CACNA1E: variants seen among roughly 807,000 people sequenced by gnomAD.
CACNA1E encodes calcium voltage-gated channel subunit alpha1 E.
A neutral mutation model predicts 259.2 loss-of-function variants in CACNA1E; 40 were observed. That is an observed-to-expected ratio of 0.15 (90% confidence interval 0.12 to 0.20). The LOEUF is 0.20. Among genes scored for constraint, CACNA1E ranks in the 10% least tolerant of loss-of-function variants. The pLI, the probability that CACNA1E is intolerant of heterozygous loss-of-function variation, is 1.00. For synonymous variants in CACNA1E, 1,104 were observed against 1,138.5 expected (o/e 0.97, Z 0.61); for missense variants, 1,874 against 3,040.1 (o/e 0.62, Z 9.02).
At position 181,488,131 on chromosome 1, in the gene CACNA1E, G is replaced by A. The variant is rs542506464; in HGVS notation, c.266+4121G>A. 9.9e-4 allele frequency among the ~76,000 whole-genome samples: 150 copies of A among 152,266 alleles called. 1 individual carries two copies. The Middle Eastern group carries it at 0.01, about 10-fold the overall frequency. ...TTGTAAAATGTCCGTTTATTTTGGA[G>A]GATTTTGGTGAGGGTTACCAAAAGT... On this transcript the variant is annotated intron_variant, in intron 1 of 47. Transcript: ENST00000367573.
upstream of CACNA1E, among the ~76,000 whole-genome samples, chr1:181,479,099 A>AAG (rs1663060379): frequency 6.6e-6 from 1 of 152,214 alleles, no homozygotes. Context: ...TTGCTTTCAG[A>AAG]AAAACATGTG....
At chr1:181,669,600 G>T (rs982621107) in intron 7 of CACNA1E, among the ~76,000 whole-genome samples, 1 of 152,202 alleles carries the variant, frequency 6.6e-6, no homozygotes, top group African/African-American at 2.4e-5. Flanking sequence ...ACGAAGAAGG[G>T]CATCATGGTG....
At chr1:181,371,709 A>G (rs1390414220) in intron 1 of CACNA1E, among the ~76,000 whole-genome samples, 2 of 152,160 alleles carry the variant, frequency 1.3e-5, no homozygotes, top group Non-Finnish European at 2.9e-5. Context: ...TAGGGTTTTT[A>G]TAGTTTTAGG....
At chr1:181,686,294 T>TGTTTTTTTTTTG (rs1650556434) in intron 7 of CACNA1E, among the ~76,000 whole-genome samples, 2 of 136,724 alleles carry the variant, frequency 1.5e-5, no homozygotes, top group Non-Finnish European at 3.1e-5. Flanking sequence ...TTTTTTTTTT[T>TGTTTTTTTTTTG]TTTTTTTTTG....
chr1:181,340,329 G>A (rs1413349165), intron 1 of CACNA1E, among the ~76,000 whole-genome samples: 1 of 151,934 alleles, frequency 6.6e-6, no homozygotes, highest in Non-Finnish European at 1.5e-5. Flanking sequence ...CAGAATACAG[G>A]TTTTAATTAA....
At chr1:181,795,939 A>T (rs888804145) in intron 46 of CACNA1E, among the ~76,000 whole-genome samples, 2 of 151,772 alleles carry the variant, frequency 1.3e-5, no homozygotes, top group South Asian at 2.1e-4. Flanking sequence ...CCATAGCATT[A>T]TGTTAGGTGT....
chr1:181,377,519 C>A (rs1031007698), intron 1 of CACNA1E, among the ~76,000 whole-genome samples: 1 of 152,006 alleles, frequency 6.6e-6, no homozygotes, highest in Non-Finnish European at 1.5e-5. Context: ...GGTTTTACAG[C>A]AGGGATGAAA....
intron 27 of CACNA1E, among the ~76,000 whole-genome samples, chr1:181,754,489 A>G (rs1156364455): frequency 6.6e-6 from 1 of 152,190 alleles, no homozygotes; most frequent in Non-Finnish European, 1.5e-5. Flanking sequence ...TTGAATTCCC[A>G]TGTAACTCCT....
rs189805548 is a variant in CACNA1E, at chr1:181,733,399, C to T, written c.2949-38C>T. 2.2e-5 allele frequency: 32 copies of T among 1,464,696 alleles called. No individual in the cohort carries two copies. In the East Asian group the frequency reaches 6.3e-4, roughly 29 times the overall value. The allele number at this position is 1,464,696 out of a possible 1,614,324, so 90.7% of individuals were successfully genotyped here. On this transcript the variant is annotated intron_variant, in intron 20 of 47. Coordinates refer to ENST00000367573, the MANE Select transcript of CACNA1E (RefSeq NM_001205293.3). ...AGGCACACCTGCCATTTGGGGACAG[C>T]GTCTGAGCACCAGCTCTCTCTTCCT...
intron 7 of CACNA1E, among the ~76,000 whole-genome samples, chr1:181,679,068 A>C (rs1020383522): frequency 1.3e-5 from 2 of 152,196 alleles, no homozygotes; most frequent in African/African-American, 2.4e-5. Context: ...ACTTACTGGC[A>C]CCTAAGGATG....
rs1288971736 is a variant in CACNA1E, at chr1:181,485,170, G to T, written c.266+1160G>T. On this transcript the variant is annotated intron_variant, in intron 1 of 47. Transcript: ENST00000367573. This position sits in a 1 kb window ranked among gnomAD's most constrained non-coding sequence, Gnocchi z 4.2. ...AGGGAGATTTGGGAGGGATGCATCT[G>T]CAATGGAGGCCCCTTCTTTTCTCCC... Among the ~76,000 whole-genome samples the T allele has an allele frequency of 3.3e-5, 5 of 152,188 alleles. No homozygotes were observed. Among genetic ancestry groups the T allele is most frequent in the African/African-American group, 4.8e-5 (2 of 41,440 alleles).
At chr1:181,321,730 G>A (rs185122335) in intron 1 of CACNA1E, among the ~76,000 whole-genome samples, 3 of 152,146 alleles carry the variant, frequency 2.0e-5, no homozygotes, top group African/African-American at 7.2e-5. Flanking sequence ...CAGCATGGCT[G>A]GGGGGAAAGG....
At chr1:181,785,283 C>A in intron 41 of CACNA1E, 35 bp from the exon 42 acceptor site, 1 of 1,242,726 alleles carries the variant, frequency 8.0e-7, no homozygotes, top group Non-Finnish European at 1.2e-6. Context: ...ATTATCTACT[C>A]CCTGTTCACC....
intron 6 of CACNA1E, among the ~76,000 whole-genome samples, chr1:181,641,231 C>G (rs1329359510): frequency 6.6e-6 from 1 of 152,144 alleles, no homozygotes; most frequent in Non-Finnish European, 1.5e-5. Context: ...TAGGGGAAAC[C>G]TTATAGCGGC....
intron 1 of CACNA1E, among the ~76,000 whole-genome samples, chr1:181,360,115 C>T (rs1653759648): frequency 6.6e-6 from 1 of 152,166 alleles, no homozygotes; most frequent in Non-Finnish European, 1.5e-5. Flanking sequence ...CACCACAGGG[C>T]TATCTAAACC....
In CACNA1E at chr1:181,785,609, G is replaced by A. The variant is rs1340921670; in HGVS notation, c.5680-104G>A. On this transcript the variant is annotated intron_variant, in intron 42 of 47. Coordinates refer to ENST00000367573, the MANE Select transcript of CACNA1E (RefSeq NM_001205293.3). ...ATCGAAGGTTAAAATGGTCAAACAA[G>A]GGATAAGTTATGTGCCTGTATTATC... The A allele has an allele frequency of 4.3e-6, 4 of 927,814 alleles. 1 individual carries two copies. In the African/African-American group the frequency reaches 6.6e-5, roughly 15 times the overall value. 57.5% of individuals were successfully genotyped at this position (927,814 alleles called of 1,614,324 possible). A position where few individuals can be genotyped will look rare whatever the true frequency, so the allele number is the denominator to read the frequency against.
intron 2 of CACNA1E, among the ~76,000 whole-genome samples, chr1:181,433,638 ATCT>A (rs1659866897): frequency 1.3e-5 from 2 of 152,310 alleles, no homozygotes; most frequent in African/African-American, 4.8e-5. Flanking sequence ...TGATGTGCTT[ATCT>A]TTGGTCTTTT....
intron 1 of CACNA1E, among the ~76,000 whole-genome samples, chr1:181,348,606 G>C (rs1328593955): frequency 7.0e-6 from 1 of 142,236 alleles, no homozygotes; most frequent in Admixed American, 7.0e-5. Flanking sequence ...TGTGTTGGGT[G>C]GGTGTATTGT....
chr1:181,565,995 G>A (rs1416393894), intron 3 of CACNA1E, among the ~76,000 whole-genome samples: 1 of 152,210 alleles, frequency 6.6e-6, no homozygotes, highest in African/African-American at 2.4e-5. Context: ...TTCTTATAAT[G>A]TGGGATTTCC....
Sources: gnomAD v4.1 joint callset for allele counts (sites outside exome capture counted in the v4.1 genomes callset) on GRCh38, gnomAD v4.1.1 for gene constraint, Gnocchi (gnomAD v3.1) non-coding constraint, MANE v1.5 for transcripts, NCBI Gene and HGNC (gene_info 2026-07-23, HGNC 2026-07-21) for gene names.